Variants in CPLX2 observed in about 807,000 individuals in gnomAD.
The protein encoded by CPLX2 is complexin-2.
In CPLX2, 5 loss-of-function variants were observed where a neutral mutation model predicts 16.3. That is an observed-to-expected ratio of 0.31 (90% CI 0.16 to 0.64). The LOEUF is 0.64. Among genes scored for constraint, CPLX2 ranks in the 30% least tolerant of loss-of-function variants. The pLI, the probability that CPLX2 is intolerant of heterozygous loss-of-function variation, is 0.79. For missense variants in CPLX2, 144 were observed against 181.4 expected (o/e 0.79, Z 1.18); for synonymous variants, 89 against 73.2 (o/e 1.22, Z -1.10).
chr5:175,810,273 T>G (rs1200228316), intron 2 of CPLX2, among the ~76,000 whole-genome samples: 1 of 151,348 alleles, frequency 6.6e-6, no homozygotes, highest in Non-Finnish European at 1.5e-5. Context: ...AGACCCAGAG[T>G]GGGGAGGGAC....
chr5:175,816,082 G>A (rs933647960), intron 2 of CPLX2, among the ~76,000 whole-genome samples: 11 of 152,304 alleles, frequency 7.2e-5, no homozygotes, highest in Non-Finnish European at 8.8e-5. Flanking sequence ...AGCTCTCCAG[G>A]CAGCATCCTT....
At chr5:175,871,421 G>GAC (rs1759595401), upstream of CPLX2, 8 of 115,036 alleles carry the variant, frequency 7.0e-5, no homozygotes, top group African/African-American at 2.0e-4. Flanking sequence ...GAGAGAGAGA[G>GAC]AGAGAGAGAG....
chr5:175,817,043 C>T lies in CPLX2; in HGVS notation c.-89+7975C>T, dbSNP rs909301682. 2.0e-5 allele frequency among the ~76,000 whole-genome samples: 3 copies of T among 152,218 alleles called. No individual in the cohort carries two copies. In the South Asian group the frequency reaches 6.2e-4, roughly 32 times the overall value. On this transcript the variant is annotated intron_variant, in intron 2 of 4. Coordinates refer to the CPLX2 transcript ENST00000359546. Reference sequence around the variant, plus strand: ...GGAAGGGCTCAGACGCCAGTGCACTCGGGGATACCGACCCTCACTGCTCTG... The same window carrying T: ...GGAAGGGCTCAGACGCCAGTGCACTTGGGGATACCGACCCTCACTGCTCTG...
At chr5:175,802,791 A>T (rs1413790760) in intron 1 of CPLX2, among the ~76,000 whole-genome samples, 1 of 152,050 alleles carries the variant, frequency 6.6e-6, no homozygotes, top group Non-Finnish European at 1.5e-5. Flanking sequence ...CACATACCAG[A>T]TGCTCAACAA....
chr5:175,872,017 G>A lies in CPLX2; in HGVS notation c.-89+312G>A, dbSNP rs1477173896. On this transcript the variant is annotated intron_variant, in intron 1 of 3. Coordinates refer to ENST00000393745, the MANE Select transcript of CPLX2 (RefSeq NM_001008220.2). The surrounding 1 kb of genome is among the most constrained non-coding windows in gnomAD (Gnocchi z 5.0). ...CAGAGCCCGAACGGCCGGGGTCCCG[G>A]AGCCAGGACCGCCCCGGCTGCGGCG... 1 of 152,278 alleles carries A rather than the reference G, an allele frequency of 6.6e-6. No individual in the cohort carries two copies. Among genetic ancestry groups the A allele is most frequent in the African/African-American group, 2.4e-5 (1 of 41,470 alleles). 9.4% of individuals were successfully genotyped at this position (152,278 alleles called of 1,614,324 possible). A position where few individuals can be genotyped will look rare whatever the true frequency, so the allele number is the denominator to read the frequency against.
At chr5:175,810,141 C>T (rs1385562463) in intron 2 of CPLX2, among the ~76,000 whole-genome samples, 1 of 152,174 alleles carries the variant, frequency 6.6e-6, no homozygotes, top group Non-Finnish European at 1.5e-5. Flanking sequence ...AACATTTTGG[C>T]CACAGGAAAT....
chr5:175,867,905 G>A (rs938899086), upstream of CPLX2, among the ~76,000 whole-genome samples: 7 of 152,174 alleles, frequency 4.6e-5, no homozygotes, highest in Non-Finnish European at 8.8e-5. Flanking sequence ...GATGGCACCC[G>A]GCCATTGTCA....
At chr5:175,831,035 G>A (rs906642922) in intron 2 of CPLX2, among the ~76,000 whole-genome samples, 1 of 152,148 alleles carries the variant, frequency 6.6e-6, no homozygotes, top group Non-Finnish European at 1.5e-5. Context: ...CTATGCAGGC[G>A]TGACATTTAG....
At chr5:175,879,142 GC>G in intron 3 of CPLX2, 59 bp downstream of exon 3, 2 of 1,499,824 alleles carry the variant, frequency 1.3e-6, no homozygotes, top group Admixed American at 4.3e-5. Flanking sequence ...AACCGGTCCA[GC>G]TAAAGCCCCT....
chr5:175,860,597 A>T (rs141204994), intron 2 of CPLX2, among the ~76,000 whole-genome samples: 1 of 134,680 alleles, frequency 7.4e-6, no homozygotes, highest in Non-Finnish European at 1.7e-5. Context: ...GAAGGAAGGA[A>T]GGAAGGAAGG....
At chr5:175,847,252 C>A (rs1450349680) in intron 2 of CPLX2, among the ~76,000 whole-genome samples, 11 of 152,166 alleles carry the variant, frequency 7.2e-5, no homozygotes. Context: ...GTTGGAGGAG[C>A]CGCGTGGGGG....
chr5:175,878,918 G>A lies in CPLX2; in HGVS notation c.42G>A (p.Lys14=), dbSNP rs1755484996. 1 of 1,612,874 alleles carries A rather than the reference G, an allele frequency of 6.2e-7. No homozygotes were observed. Among genetic ancestry groups the A allele is most frequent in the Non-Finnish European group, 8.5e-7 (1 of 1,179,602 alleles). The change falls in exon 3 of 4, where the codon AAG becomes AAA. Residue 14 remains lysine (K), a synonymous_variant. Transcript: ENST00000393745. ...ACCCCTTCCTCGTAGGGGCCACAAAGGACATGGGGAAGATGCTGGGGGGAG... is the reference window on the plus strand; with the variant it reads ...ACCCCTTCCTCGTAGGGGCCACAAAAGACATGGGGAAGATGCTGGGGGGAG... The part of the protein sequence containing the change: ...VMKQALGGAT[K]DMGKMLGGEE...
chr5:175,835,966 T>C (rs987039519), intron 2 of CPLX2, among the ~76,000 whole-genome samples: 1 of 152,014 alleles, frequency 6.6e-6, no homozygotes, highest in Non-Finnish European at 1.5e-5. Flanking sequence ...CTCAAACTCC[T>C]GACCTCAAGT....
chr5:175,799,546 A>ATATTTATATATATTTATT (rs1348959103), intron 1 of CPLX2, among the ~76,000 whole-genome samples: 5 of 107,518 alleles, frequency 4.7e-5, no homozygotes, highest in African/African-American at 1.7e-4. Flanking sequence ...TTTCATATAT[A>ATATTTATATATATTTATT]TATATATATA....
chr5:175,802,975 G>A (rs189605402), intron 1 of CPLX2, among the ~76,000 whole-genome samples: 6 of 152,160 alleles, frequency 3.9e-5, no homozygotes, highest in Non-Finnish European at 7.4e-5. Flanking sequence ...GGGATTACAG[G>A]CACCCGCCAT....
At chr5:175,812,166 G>A (rs1229022196) in intron 2 of CPLX2, among the ~76,000 whole-genome samples, 1 of 152,238 alleles carries the variant, frequency 6.6e-6, no homozygotes, top group Non-Finnish European at 1.5e-5. Flanking sequence ...AAATGACCCA[G>A]AAAGTACACT....
rs990842687 is a variant in CPLX2 at position 175,880,329 on chromosome 5, G to A, written c.*284G>A. 2.1e-6 allele frequency: 1 copy of A among 485,194 alleles called. No individual in the cohort carries two copies. The allele number at this position is 485,194 out of a possible 1,614,324, so 30.1% of individuals were successfully genotyped here. On this transcript the variant is annotated 3_prime_UTR_variant, in exon 4 of 4. Coordinates refer to ENST00000393745, the MANE Select transcript of CPLX2 (RefSeq NM_001008220.2). ...GGAAGCCTAAGGTCGTGCTAGTGTG[G>A]TGACCCCCATACATTCCTCCCTGCT...
At chr5:175,871,410 GGAGAGAGAGAGAGAGAGAGAGACAGA>G (rs1561790247), upstream of CPLX2, 3 of 28,692 alleles carry the variant, frequency 1.0e-4, no homozygotes, top group Admixed American at 5.5e-4. Context: ...AAGAGAGAGA[GGAGAGAGAGAGAGAGAGAGAGACAGA>G]GAGAGAGAGA....
intron 2 of CPLX2, among the ~76,000 whole-genome samples, chr5:175,828,147 T>C (rs1039025715): frequency 6.6e-6 from 1 of 152,236 alleles, no homozygotes; most frequent in Non-Finnish European, 1.5e-5. Context: ...AATTTTGTCT[T>C]CACTGATAAA....
Sources: gnomAD v4.1 joint callset for allele counts (sites outside exome capture counted in the v4.1 genomes callset) on GRCh38, gnomAD v4.1.1 for gene constraint, Gnocchi (gnomAD v3.1) non-coding constraint, MANE v1.5 for transcripts, NCBI Gene and HGNC (gene_info 2026-07-23, HGNC 2026-07-21) for gene names.